The following STK11 variants were observed in gnomAD, a reference collection of about 807,000 sequenced individuals.
The protein encoded by STK11 is serine/threonine-protein kinase STK11.
In STK11, 8 loss-of-function variants were observed where a neutral mutation model predicts 47.3. That is an observed-to-expected ratio of 0.17 (90% CI 0.10 to 0.31). STK11 has a LOEUF of 0.31. Among genes scored for constraint, STK11 ranks in the 10% least tolerant of loss-of-function variants. The probability of loss-of-function intolerance (pLI) is 1.00; values close to 1 mark genes in which losing one functional copy is unlikely to be tolerated. For synonymous variants in STK11, 330 were observed against 255.8 expected (o/e 1.29, Z -2.77); for missense variants, 475 against 605.0 (o/e 0.79, Z 2.25).
Position 1,228,135 on chromosome 19 carries a change from A to AG in STK11, c.*565dup. The AG allele has an allele frequency of 1.9e-6, 2 of 1,064,190 alleles. No homozygotes were observed. The highest frequency in any genetic ancestry group is 2.3e-6 in the Non-Finnish European group (2 of 878,702). 65.9% of individuals were successfully genotyped at this position (1,064,190 alleles called of 1,614,324 possible). On this transcript the variant is annotated 3_prime_UTR_variant, in exon 10 of 10. Coordinates refer to ENST00000326873, the MANE Select transcript of STK11 (RefSeq NM_000455.5). The stretch of plus-strand genomic sequence containing the variant: ...GGGTGTTTGGGAGCTGCTGGGTGGC[A>AG]GGGGGGCTGTGGGGTCGGGCTCACG...
At chr19:1,219,279 T>G (rs2145421963) in intron 2 of STK11, 45 bp from the exon 3 acceptor site, 12 of 1,551,630 alleles carry the variant, frequency 7.7e-6, no homozygotes, top group Non-Finnish European at 1.0e-5. Context: ...TCCCTGGGCC[T>G]GTGAGTGGGG....
chr19:1,206,662 C>T lies in STK11; in HGVS notation c.-252C>T, dbSNP rs1173243170. Reference sequence around the variant, plus strand: ...GTCCCACTGGAACTCGCGTCTGAGCCGCCGTCCCGGACCCCCGGTGCCCGC... The same window carrying T: ...GTCCCACTGGAACTCGCGTCTGAGCTGCCGTCCCGGACCCCCGGTGCCCGC... On this transcript the variant is annotated 5_prime_UTR_variant, in exon 1 of 10. Transcript: ENST00000326873. 8 of 540,438 alleles carry T rather than the reference C, an allele frequency of 1.5e-5. No homozygotes were observed. In the East Asian group the frequency reaches 1.9e-4, roughly 13 times the overall value. The allele number at this position is 540,438 out of a possible 1,614,324, so 33.5% of individuals were successfully genotyped here. A position where few individuals can be genotyped will look rare whatever the true frequency, so the allele number is the denominator to read the frequency against.
At chr19:1,213,599 G>A (rs1361860485) in intron 1 of STK11, among the ~76,000 whole-genome samples, 2 of 152,212 alleles carry the variant, frequency 1.3e-5, no homozygotes, top group African/African-American at 2.4e-5. Context: ...GCCTGGGTCC[G>A]AACCTCTCTG....
At position 1,227,916 on chromosome 19, in the gene STK11, G is replaced by A. The variant is rs973351159; in HGVS notation, c.*340G>A. 3 of 1,070,326 alleles carry A rather than the reference G, an allele frequency of 2.8e-6. No homozygotes were observed. The highest frequency in any genetic ancestry group is 4.5e-5 in the South Asian group (1 of 22,030). The allele number at this position is 1,070,326 out of a possible 1,614,324, so 66.3% of individuals were successfully genotyped here. On this transcript the variant is annotated 3_prime_UTR_variant, in exon 10 of 10. Transcript: ENST00000326873. ...CCCGTGGCCTCGTGCTCCGCAGGGC[G>A]CCCAGCGCCGTCCGGCGGCCCCGCC...
In STK11 at chr19:1,227,995, G is replaced by T; in HGVS notation, c.*419G>T. 1 of 1,068,256 alleles carries T rather than the reference G, an allele frequency of 9.4e-7. No individual in the cohort carries two copies. Among genetic ancestry groups the T allele is most frequent in the Non-Finnish European group, 1.1e-6 (1 of 881,116 alleles). 66.2% of individuals were successfully genotyped at this position (1,068,256 alleles called of 1,614,324 possible). On this transcript the variant is annotated 3_prime_UTR_variant, in exon 10 of 10. Transcript: ENST00000326873. ...GGCTCCTGACCCCGCCATGCATGCA[G>T]CGCCACCTGGAAGCCGCGCGGCCGC...
rs876658594 is a variant in STK11 at position 1,223,055 on chromosome 19, C to T, written c.991C>T (p.Arg331Trp). Residue 331 changes from arginine to tryptophan, a missense_variant, in exon 8 of 10, where the codon CGG becomes TGG. Physicochemically the swap from Arg to Trp is moderately radical, Grantham distance 101. This residue lies in a region of STK11 where 219 missense variants were observed against 189.2 expected (regional missense o/e 1.16). Transcript: ENST00000326873. Reference protein sequence around the residue: ...PIPPSPDTKDRWRSMTVVPYL... With the variant: ...PIPPSPDTKDWWRSMTVVPYL... ...CCCACCGAGCCCAGACACCAAGGAC[C>T]GGTGGCGCAGCATGACTGTGGTGCC... 9 of 1,603,310 alleles carry T rather than the reference C, an allele frequency of 5.6e-6. No individual in the cohort carries two copies. The highest frequency in any genetic ancestry group is 1.7e-5 in the Admixed American group (1 of 58,746).
In STK11 at chr19:1,226,641, G is replaced by A. The variant is rs587781179; in HGVS notation, c.1296G>A (p.Gln432=). ...SKIRRLSACK[Q]Q ...TCCGCCGGCTGTCGGCCTGCAAGCAGCAGTGAGGCTGGCCGCCTGCAGGTG... is the reference window on the plus strand; with the variant it reads ...TCCGCCGGCTGTCGGCCTGCAAGCAACAGTGAGGCTGGCCGCCTGCAGGTG... The change falls in exon 9 of 10, where the codon CAG becomes CAA. Residue 432 remains glutamine (Q), a synonymous_variant. Transcript: ENST00000326873. The A allele has an allele frequency of 3.2e-4, 483 of 1,529,578 alleles. No homozygotes were observed. Among genetic ancestry groups the A allele is most frequent in the Non-Finnish European group, 4.0e-4 (457 of 1,139,026 alleles). The allele number at this position is 1,529,578 out of a possible 1,614,324, so 94.8% of individuals were successfully genotyped here. A position where few individuals can be genotyped will look rare whatever the true frequency, so the allele number is the denominator to read the frequency against.
chr19:1,225,052 G>A (rs2087374606), intron 8 of STK11: 14 of 985,684 alleles, frequency 1.4e-5, no homozygotes, highest in South Asian at 9.4e-5. Flanking sequence ...CCCAGGATGC[G>A]GGTCCTGCTG....
Position 1,207,244 on chromosome 19 carries a change from T to C in STK11, c.290+41T>C, listed in dbSNP as rs769824823. ...TGGGGTCGGGGCCGGGCCGGGCCAGTCACGGTGCTGATGGTTCTGTCTTCC... is the reference window on the plus strand; with the variant it reads ...TGGGGTCGGGGCCGGGCCGGGCCAGCCACGGTGCTGATGGTTCTGTCTTCC... On this transcript the variant is annotated intron_variant, in intron 1 of 9. Coordinates refer to ENST00000326873, the MANE Select transcript of STK11 (RefSeq NM_000455.5). 57 of 1,557,976 alleles carry C rather than the reference T, an allele frequency of 3.7e-5. No homozygotes were observed. The Admixed American group carries it at 1.1e-3, about 30-fold the overall frequency.
intron 2 of STK11, among the ~76,000 whole-genome samples, chr19:1,218,764 C>G (rs1162993045): frequency 4.6e-5 from 7 of 152,218 alleles, no homozygotes; most frequent in African/African-American, 1.7e-4. Context: ...CCCAGGCTAA[C>G]CAGGGGTGTA....
At position 1,206,686 on chromosome 19, in the gene STK11, G is replaced by C; in HGVS notation, c.-228G>C. 1.7e-6 allele frequency: 1 copy of C among 594,860 alleles called. No individual in the cohort carries two copies. Among genetic ancestry groups the C allele is most frequent in the Non-Finnish European group, 2.8e-6 (1 of 356,754 alleles). The allele number at this position is 594,860 out of a possible 1,614,324, so 36.8% of individuals were successfully genotyped here. ...CCGCCGTCCCGGACCCCCGGTGCCC[G>C]CCGGTCCGCAGACCCTGCACCGGGC... On this transcript the variant is annotated 5_prime_UTR_variant, in exon 1 of 10. Coordinates refer to ENST00000326873, the MANE Select transcript of STK11 (RefSeq NM_000455.5).
intron 8 of STK11, among the ~76,000 whole-genome samples, chr19:1,223,477 G>A (rs1047630312): frequency 6.6e-6 from 1 of 152,214 alleles, no homozygotes; most frequent in African/African-American, 2.4e-5. Flanking sequence ...GTCCCAGCAG[G>A]AGCAGGCGGG....
intron 8 of STK11, chr19:1,224,178 T>TGTATGGGGAGTACA: frequency 2.0e-6 from 2 of 982,916 alleles, no homozygotes; most frequent in Non-Finnish European, 2.4e-6. Context: ...GAGAGCACAG[T>TGTATGGGGAGTACA]GTATGGGGGT....
intron 1 of STK11, among the ~76,000 whole-genome samples, chr19:1,209,363 G>A (rs1028663637): frequency 2.0e-5 from 3 of 151,950 alleles, no homozygotes; most frequent in South Asian, 2.1e-4. Flanking sequence ...TGGGTGGATC[G>A]CCTGAGGTCA....
In STK11 at chr19:1,221,708, A is replaced by G. The variant is rs2080785668; in HGVS notation, c.863-241A>G. The G allele has an allele frequency of 5.0e-6, 3 of 598,230 alleles. No individual in the cohort carries two copies. The African/African-American group carries it at 5.6e-5, about 11-fold the overall frequency. The allele number at this position is 598,230 out of a possible 1,614,324, so 37.1% of individuals were successfully genotyped here. ...TCCATCTGCCCAGTGGCCTTGGGAG[A>G]ACGGAACCGCCCTGGCCGTCCAGCC... On this transcript the variant is annotated intron_variant, in intron 6 of 9. Coordinates refer to ENST00000326873, the MANE Select transcript of STK11 (RefSeq NM_000455.5).
In STK11 at chr19:1,218,881, G is replaced by A. The variant is rs59188909; in HGVS notation, c.374+381G>A. On this transcript the variant is annotated intron_variant, in intron 2 of 9. Coordinates refer to ENST00000326873, the MANE Select transcript of STK11 (RefSeq NM_000455.5). The stretch of plus-strand genomic sequence containing the variant: ...CTGTGGACACCCCCATGGGTCTTAC[G>A]GGCACAGCCTCCCTACGGGGACTTT... 0.011 allele frequency among the ~76,000 whole-genome samples: 1,632 copies of A among 152,300 alleles called. 55 individuals are homozygous for A. In the East Asian group the frequency reaches 0.13, roughly 12 times the overall value.
intron 1 of STK11, among the ~76,000 whole-genome samples, chr19:1,207,731 G>A (rs763776584): frequency 6.6e-6 from 1 of 152,228 alleles, no homozygotes; most frequent in Non-Finnish European, 1.5e-5. Flanking sequence ...CAGCAGGAGG[G>A]AAACGTAGCC....
At chr19:1,212,834 G>T (rs567338292) in intron 1 of STK11, among the ~76,000 whole-genome samples, 1 of 151,988 alleles carries the variant, frequency 6.6e-6, no homozygotes, top group East Asian at 2.0e-4. Flanking sequence ...TTGAGTCACT[G>T]TGCCCGGCCC....
chr19:1,216,317 G>A (rs1363140648), intron 1 of STK11: 1 of 172,402 alleles, frequency 5.8e-6, no homozygotes, highest in East Asian at 1.0e-4. Flanking sequence ...GCTTGTCCTG[G>A]ATATTGCATA....
Sources: allele counts gnomAD v4.1 joint callset (sites outside exome capture counted in the v4.1 genomes callset), GRCh38; gene constraint gnomAD v4.1.1; regional missense constraint gnomAD v4.1.1; transcripts MANE v1.5; gene names NCBI Gene and HGNC (gene_info 2026-07-23, HGNC 2026-07-21).